CEP152: variants seen among roughly 807,000 people sequenced by gnomAD.
The protein encoded by CEP152 is centrosomal protein 152.
In CEP152, 132 loss-of-function variants were observed where a neutral mutation model predicts 188.9. That is an observed-to-expected ratio of 0.70 (90% CI 0.61 to 0.81). The LOEUF is 0.81. Among genes scored for constraint, CEP152 ranks in the 30% least tolerant of loss-of-function variants. The pLI, the probability that CEP152 is intolerant of heterozygous loss-of-function variation, is 0.00. For missense variants in CEP152, 1,914 were observed against 1,969.8 expected, an observed-to-expected ratio of 0.97 and a Z score of 0.54; for synonymous variants, 649 against 666.6, an observed-to-expected ratio of 0.97 and a Z score of 0.41.
chr15:48,768,941 A>C lies in CEP152; in HGVS notation c.1908+15T>G, dbSNP rs1895323912. The C allele has an allele frequency of 6.9e-7, 1 of 1,450,630 alleles. No homozygotes were observed. The allele number at this position is 1,450,630 out of a possible 1,614,324, so 89.9% of individuals were successfully genotyped here. A position where few individuals can be genotyped will look rare whatever the true frequency, so the allele number is the denominator to read the frequency against. On this transcript the variant is annotated intron_variant, in intron 14 of 26. Transcript: ENST00000380950. The stretch of plus-strand genomic sequence containing the variant: ...ATAAAAATTCTCATAAAATATAAAA[A>C]ATATTTTTAATCACCTGATTTTGTT...
chr15:48,744,559 G>A (rs140957493), intron 23 of CEP152, among the ~76,000 whole-genome samples: 21 of 152,116 alleles, frequency 1.4e-4, no homozygotes, highest in African/African-American at 4.3e-4. Context: ...AAATCCACAT[G>A]AAAATTTATG....
Position 48,784,476 on chromosome 15 carries a change from T to C in CEP152, c.1174-356A>G, listed in dbSNP as rs185861714. ...GCGTATTTTATATTGTCAGTATAAG[T>C]GTATGTATATATATTTAGGCAGACT... On this transcript the variant is annotated intron_variant, in intron 9 of 26. Transcript: ENST00000380950. 3.7e-3 allele frequency among the ~76,000 whole-genome samples: 557 copies of C among 152,286 alleles called. 4 individuals carry two copies. The highest frequency in any genetic ancestry group is 0.013 in the African/African-American group (534 of 41,550).
At chr15:48,786,538 A>G (rs1327749924) in intron 9 of CEP152, among the ~76,000 whole-genome samples, 1 of 152,228 alleles carries the variant, frequency 6.6e-6, no homozygotes, top group East Asian at 1.9e-4. Context: ...TTTTAGATTC[A>G]GGGGATATGT....
At chr15:48,786,395 G>T (rs201054064) in intron 9 of CEP152, among the ~76,000 whole-genome samples, 1 of 141,762 alleles carries the variant, frequency 7.1e-6, no homozygotes, top group African/African-American at 2.6e-5. Context: ...CAAAAAAAAA[G>T]AACTATTATA....
At chr15:48,741,815 G>T in intron 25 of CEP152, 111 bp from the exon 26 acceptor site, 1 of 1,608,792 alleles carries the variant, frequency 6.2e-7, no homozygotes, top group Non-Finnish European at 8.5e-7. Context: ...GGGTAGCACA[G>T]CCATAAACCT....
rs1893289438 is a variant in CEP152 at position 48,744,880 on chromosome 15, A to G, written c.3731+16T>C. On this transcript the variant is annotated intron_variant, in intron 23 of 26. Coordinates refer to ENST00000380950, the MANE Select transcript of CEP152 (RefSeq NM_001194998.2). ...AGATTTCTTTAAAATAGCACTTTAA[A>G]ATAGTAAAAGTATACCTTGGTGGTG... The G allele has an allele frequency of 1.3e-6, 2 of 1,594,100 alleles. No individual in the cohort carries two copies. The highest frequency in any genetic ancestry group is 2.7e-5 in the African/African-American group (2 of 74,014).
At chr15:48,772,102 G>A (rs928897617) in intron 13 of CEP152, among the ~76,000 whole-genome samples, 7 of 152,112 alleles carry the variant, frequency 4.6e-5, no homozygotes, top group African/African-American at 1.7e-4. Context: ...GAAAGCCAAA[G>A]GTTTATTAAT....
Position 48,756,066 on chromosome 15 carries a change from T to C in CEP152, c.3182A>G (p.His1061Arg), listed in dbSNP as rs1485313259. 4 of 1,614,152 alleles carry C rather than the reference T, an allele frequency of 2.5e-6. No individual in the cohort carries two copies. In the South Asian group the frequency reaches 4.4e-5, roughly 18 times the overall value. Residue 1061 changes from histidine to arginine, a missense_variant, in exon 20 of 27, where the codon CAC becomes CGC. Physicochemically the swap from His to Arg is conservative, Grantham distance 29. Coordinates refer to ENST00000380950, the MANE Select transcript of CEP152 (RefSeq NM_001194998.2). ...CTGCTTGTCCTCAGAATCACTGATG[T>C]GCTCCTTTTGGGTATCACTTAAAAG... ...GVLLSDTQKE[H>R]ISDSEDKQLL...
chr15:48,796,095 G>A lies in CEP152; in HGVS notation c.606C>T (p.Ala202=). The part of the protein sequence containing the change: ...KVTYKPYQSS[A]QNNGSPAQEI... ...CCTGGGCTGGTGAGCCATTATTCTG[G>A]GCAGAAGACTGATAAGGTTTATATG... The change falls in exon 6 of 27, where the codon GCC becomes GCT. Residue 202 remains alanine (A), a synonymous_variant. Coordinates refer to ENST00000380950, the MANE Select transcript of CEP152 (RefSeq NM_001194998.2). 6.2e-7 allele frequency: 1 copy of A among 1,613,722 alleles called. No homozygotes were observed. The highest frequency in any genetic ancestry group is 1.1e-5 in the South Asian group (1 of 91,066).
chr15:48,739,390 T>G, intron 26 of CEP152, 102 bp from the exon 27 acceptor site: 1 of 1,414,330 alleles, frequency 7.1e-7, no homozygotes, highest in South Asian at 1.6e-5. Flanking sequence ...TAAGAAAAAA[T>G]TTATGTTTTT....
chr15:48,768,447 CAT>C (rs1895285265), intron 14 of CEP152, 119 bp from the exon 15 acceptor site: 1 of 632,618 alleles, frequency 1.6e-6, no homozygotes, highest in Non-Finnish European at 2.8e-6. Context: ...CAATATTTGA[CAT>C]ATTATTTTTA....
At position 48,756,125 on chromosome 15, in the gene CEP152, C is replaced by G; in HGVS notation, c.3123G>C (p.Gln1041His). ...EAKRIQLEIY[Q>H]YEEDILTVLG... ...GTACAGTCAGGATGTCTTCCTCATA[C>G]TGATAGATTTCCAGTTGGATCCGCT... The change falls in exon 20 of 27, where the codon CAG (glutamine) becomes CAC (histidine). Residue 1041 changes from glutamine (Q) to histidine (H), a missense_variant. Coordinates refer to ENST00000380950, the MANE Select transcript of CEP152 (RefSeq NM_001194998.2). The G allele has an allele frequency of 6.2e-7, 1 of 1,614,102 alleles. No individual in the cohort carries two copies. The highest frequency in any genetic ancestry group is 8.5e-7 in the Non-Finnish European group (1 of 1,179,986).
At chr15:48,757,549 C>A (rs1894367840) in intron 19 of CEP152, among the ~76,000 whole-genome samples, 1 of 152,168 alleles carries the variant, frequency 6.6e-6, no homozygotes, top group African/African-American at 2.4e-5. Flanking sequence ...GAGTCCCTTT[C>A]ACTTTTAATA....
intron 26 of CEP152, 34 bp downstream of exon 26, chr15:48,741,567 T>C (rs183571433): frequency 2.1e-5 from 34 of 1,613,896 alleles, no homozygotes; most frequent in Non-Finnish European, 2.7e-5. Context: ...GAAGAAAAGA[T>C]AGAAAAACCA....
chr15:48,753,728 A>C (rs1401494290), intron 20 of CEP152, among the ~76,000 whole-genome samples: 1 of 152,230 alleles, frequency 6.6e-6, no homozygotes, highest in Non-Finnish European at 1.5e-5. Context: ...ATGGTAAAAG[A>C]GACAACATAC....
In CEP152 at chr15:48,739,219, A is replaced by C; in HGVS notation, c.4163T>G (p.Ile1388Arg). 1 of 1,613,482 alleles carries C rather than the reference A, an allele frequency of 6.2e-7. No individual in the cohort carries two copies. The highest frequency in any genetic ancestry group is 8.5e-7 in the Non-Finnish European group (1 of 1,179,868). ...KSKRNDVNQK[I>R]PCCIESKSNS... The stretch of plus-strand genomic sequence containing the variant: ...TGATTTGCTTTCAATACAACATGGT[A>C]TTTTCTGATTCACATCATTTCTTTT... Residue 1388 changes from isoleucine (I) to arginine (R), a missense_variant, in exon 27 of 27, where the codon ATA (isoleucine) becomes AGA (arginine). Ile to Arg is a moderately conservative substitution (Grantham distance 97). Transcript: ENST00000380950.
intron 6 of CEP152, among the ~76,000 whole-genome samples, chr15:48,794,812 T>C (rs1897192384): frequency 6.6e-6 from 1 of 152,198 alleles, no homozygotes; most frequent in South Asian, 2.1e-4. Context: ...GTCCACTTCC[T>C]CATTCCACAA....
chr15:48,808,001 C>G (rs1898095697), intron 1 of CEP152, among the ~76,000 whole-genome samples: 1 of 151,686 alleles, frequency 6.6e-6, no homozygotes, highest in Non-Finnish European at 1.5e-5. Flanking sequence ...CTGAAAAGAC[C>G]AAAATCTCCC....
intron 2 of CEP152, among the ~76,000 whole-genome samples, chr15:48,804,134 AAGGAGAGCCACTGCTC>A (rs1243567909): frequency 6.6e-6 from 1 of 152,220 alleles, no homozygotes; most frequent in African/African-American, 2.4e-5. Context: ...CCAGCTGGGG[AAGGAGAGCCACTGCTC>A]AGTTCCAGCC....
Sources: allele counts gnomAD v4.1 joint callset (sites outside exome capture counted in the v4.1 genomes callset), GRCh38; gene constraint gnomAD v4.1.1; transcripts MANE v1.5; gene names NCBI Gene and HGNC (gene_info 2026-07-23, HGNC 2026-07-21).